Variants in SRPX observed in about 807,000 individuals in gnomAD.
SRPX encodes the protein sushi repeat-containing protein SRPX.
In SRPX, 24 loss-of-function variants were observed where a neutral mutation model predicts 38.1. The observed-to-expected ratio is 0.63, with a 90% CI of 0.46 to 0.89. SRPX has a LOEUF of 0.89. Among genes scored for constraint, SRPX ranks in the 40% least tolerant of loss-of-function variants. SRPX has a pLI of 0.00. For missense variants in SRPX, 416 were observed against 377.8 expected, an observed-to-expected ratio of 1.10 and a Z score of -0.84; for synonymous variants, 184 against 153.8, an observed-to-expected ratio of 1.20 and a Z score of -1.45.
intron 5 of SRPX, among the ~76,000 whole-genome samples, chrX:38,164,284 A>G (rs1938321288): frequency 9.1e-6 from 1 of 110,178 alleles, no homozygotes. Context: ...CTGGGATTAC[A>G]GGTGTGTGCC....
In SRPX at chrX:38,174,184, A is replaced by G. The variant is rs1452431820; in HGVS notation, c.325T>C (p.Trp109Arg). 19 of 1,111,567 alleles carry G rather than the reference A, an allele frequency of 1.7e-5. No individual in the cohort carries two copies. The highest frequency in any genetic ancestry group is 2.1e-5 in the Non-Finnish European group (18 of 846,119). The allele number at this position is 1,111,567 out of a possible 1,213,427, so 91.6% of individuals were successfully genotyped here. ...CGTTTGCAGATGACCTTGTCAGACC[A>G]TCGTTTGTTTGACTGGCAGATCAGT... ...SLLICQSNKR[W>R]SDKVICKQKR... Residue 109 changes from tryptophan to arginine, a missense_variant, in exon 3 of 10, where the codon TGG becomes CGG. Physicochemically the swap from Trp to Arg is moderately radical, Grantham distance 101. Transcript: ENST00000378533.
At chrX:38,212,679 T>G (rs1432125485) in intron 1 of SRPX, among the ~76,000 whole-genome samples, 1 of 111,523 alleles carries the variant, frequency 9.0e-6, no homozygotes, top group Non-Finnish European at 1.9e-5. Flanking sequence ...TAAAAGAATA[T>G]GGGGTCCATA....
At chrX:38,154,288 T>C (rs1432139942) in intron 9 of SRPX, among the ~76,000 whole-genome samples, 174 bp downstream of exon 9, 1 of 112,106 alleles carries the variant, frequency 8.9e-6, no homozygotes, top group Admixed American at 9.4e-5. Context: ...CTGCACAATT[T>C]ATTTGAACAA....
chrX:38,169,633 G>A (rs1030715404), intron 4 of SRPX, among the ~76,000 whole-genome samples: 1 of 112,315 alleles, frequency 8.9e-6, no homozygotes, highest in African/African-American at 3.2e-5. Context: ...TTTGTACATT[G>A]TCTTTTGTTA....
rs1241574237 is a variant in SRPX at position 38,156,881 on chromosome X, G to T, written c.1089+15C>A. On this transcript the variant is annotated intron_variant, in intron 8 of 9. Coordinates refer to ENST00000378533, the MANE Select transcript of SRPX (RefSeq NM_006307.5). ...AAGGTCTCCCTCTCACCTTGGCCCT[G>T]CCTCGAGGACTCACCTGCAGCATTC... 8.3e-7 allele frequency: 1 copy of T among 1,206,401 alleles called. No homozygotes were observed. Among genetic ancestry groups the T allele is most frequent in the Admixed American group, 2.2e-5 (1 of 45,587 alleles).
At chrX:38,220,651 G>T in intron 1 of SRPX, 45 bp downstream of exon 1, 1 of 1,184,273 alleles carries the variant, frequency 8.4e-7, no homozygotes, top group South Asian at 1.8e-5. Flanking sequence ...GACTCCGGGG[G>T]TCTTTGGTGC....
At chrX:38,217,881 A>C (rs775611651) in intron 1 of SRPX, among the ~76,000 whole-genome samples, 25 of 112,228 alleles carry the variant, frequency 2.2e-4, no homozygotes, top group Non-Finnish European at 5.6e-5. Context: ...ATTGTACTGT[A>C]CTGAAAGTGT....
At chrX:38,220,612 C>T in intron 1 of SRPX, 84 bp downstream of exon 1, 1 of 1,135,688 alleles carries the variant, frequency 8.8e-7, no homozygotes, top group Non-Finnish European at 1.2e-6. Flanking sequence ...CGGCACCTCC[C>T]TCTATCCCGA....
chrX:38,184,552 C>A (rs777456908), intron 1 of SRPX, among the ~76,000 whole-genome samples: 6 of 111,604 alleles, frequency 5.4e-5, no homozygotes, highest in Admixed American at 9.5e-5. Flanking sequence ...GGCCCATGAA[C>A]CCCTTGTAAT....
intron 1 of SRPX, among the ~76,000 whole-genome samples, chrX:38,184,546 C>T (rs1480238676): frequency 9.0e-6 from 1 of 111,621 alleles, no homozygotes; most frequent in Non-Finnish European, 1.9e-5. Context: ...TTGGAGGGCC[C>T]ATGAACCCCT....
At chrX:38,171,533 T>A (rs1938469361) in intron 4 of SRPX, among the ~76,000 whole-genome samples, 1 of 111,716 alleles carries the variant, frequency 9.0e-6, no homozygotes, top group South Asian at 3.8e-4. Context: ...GAAAGACACA[T>A]AGATGTTCTC....
intron 8 of SRPX, among the ~76,000 whole-genome samples, chrX:38,154,889 C>T (rs1938101769): frequency 9.0e-6 from 1 of 111,177 alleles, no homozygotes; most frequent in Non-Finnish European, 1.9e-5. Flanking sequence ...AAAAAGTATC[C>T]AAGACCACCC....
chrX:38,213,030 C>T (rs1939359217), intron 1 of SRPX, among the ~76,000 whole-genome samples: 1 of 112,652 alleles, frequency 8.9e-6, no homozygotes, highest in Non-Finnish European at 1.9e-5. Context: ...TGAGAGGTGG[C>T]CAGGCACCAT....
At chrX:38,203,802 GAAGA>G (rs1296536644) in intron 1 of SRPX, among the ~76,000 whole-genome samples, 2 of 112,014 alleles carry the variant, frequency 1.8e-5, no homozygotes, top group Non-Finnish European at 3.8e-5. Flanking sequence ...AGGCAGGAAG[GAAGA>G]AAGGAAAAAC....
intron 4 of SRPX, among the ~76,000 whole-genome samples, chrX:38,165,507 GC>G (rs1938349581): frequency 8.9e-6 from 1 of 111,755 alleles, no homozygotes; most frequent in African/African-American, 3.3e-5. Context: ...AATGGCAATT[GC>G]CCCAGGCAAG....
chrX:38,182,766 G>A (rs1252843324), intron 1 of SRPX, among the ~76,000 whole-genome samples: 1 of 111,553 alleles, frequency 9.0e-6, no homozygotes, highest in African/African-American at 3.3e-5. Flanking sequence ...AAGGATAAAC[G>A]TCTGAAGCTG....
At chrX:38,203,074 G>C (rs368583516) in intron 1 of SRPX, among the ~76,000 whole-genome samples, 9 of 111,635 alleles carry the variant, frequency 8.1e-5, no homozygotes, top group African/African-American at 2.3e-4. Context: ...GAATAATATG[G>C]TAACACCAAA....
chrX:38,153,403 C>G (rs747246023), intron 9 of SRPX, among the ~76,000 whole-genome samples: 13 of 102,565 alleles, frequency 1.3e-4, no homozygotes, highest in African/African-American at 4.7e-4. Context: ...TCAAAGGCAG[C>G]TGGAAAACAG....
At chrX:38,195,618 T>G (rs1938986089) in intron 1 of SRPX, among the ~76,000 whole-genome samples, 2 of 110,766 alleles carry the variant, frequency 1.8e-5, no homozygotes, top group African/African-American at 6.6e-5. Flanking sequence ...AATTAGAGAG[T>G]CTTAGATCTG....
Sources: allele counts gnomAD v4.1 joint callset (sites outside exome capture counted in the v4.1 genomes callset), GRCh38; gene constraint gnomAD v4.1.1; transcripts MANE v1.5; gene names NCBI Gene and HGNC (gene_info 2026-07-23, HGNC 2026-07-21).